Variants in UNC13C observed in about 807,000 individuals in gnomAD.
UNC13C encodes the protein protein unc-13 homolog C.
A neutral mutation model predicts 245.4 loss-of-function variants in UNC13C; 174 were observed. The ratio of observed to expected loss-of-function variants is 0.71; its 90% CI spans 0.63 to 0.80. The LOEUF (loss-of-function observed/expected upper bound fraction) is 0.80. UNC13C is among the 30% of genes least tolerant of loss of function. UNC13C has a pLI of 0.00. For synonymous variants in UNC13C, 992 were observed against 895.1 expected, an observed-to-expected ratio of 1.11 and a Z score of -1.93; for missense variants, 2,829 against 2,602.9, an observed-to-expected ratio of 1.09 and a Z score of -1.89.
chr15:54,269,409 G>A (rs111383506), intron 10 of UNC13C, among the ~76,000 whole-genome samples: 1 of 152,068 alleles, frequency 6.6e-6, no homozygotes. Flanking sequence ...AAATAAAACA[G>A]TATGAGAGCC....
At chr15:54,371,332 C>G (rs749925923) in intron 17 of UNC13C, among the ~76,000 whole-genome samples, 1 of 152,088 alleles carries the variant, frequency 6.6e-6, no homozygotes, top group African/African-American at 2.4e-5. Context: ...GAATGATTAT[C>G]AAACATTATC....
intron 19 of UNC13C, among the ~76,000 whole-genome samples, chr15:54,451,158 G>A (rs1891153711): frequency 6.6e-6 from 1 of 151,756 alleles, no homozygotes; most frequent in Non-Finnish European, 1.5e-5. Flanking sequence ...CATATATTTA[G>A]TCATTTTATG....
At chr15:54,158,273 C>T (rs1429572855) in intron 4 of UNC13C, among the ~76,000 whole-genome samples, 1 of 152,224 alleles carries the variant, frequency 6.6e-6, no homozygotes, top group African/African-American at 2.4e-5. Flanking sequence ...GAATACCTGG[C>T]AGATGCTGCC....
At chr15:54,296,785 A>G (rs911184744) in intron 11 of UNC13C, among the ~76,000 whole-genome samples, 7 of 152,042 alleles carry the variant, frequency 4.6e-5, no homozygotes, top group African/African-American at 1.7e-4. Flanking sequence ...CCTAAATCCT[A>G]TTTTCATTTG....
intron 19 of UNC13C, among the ~76,000 whole-genome samples, chr15:54,457,824 C>G (rs1484614203): frequency 6.7e-6 from 1 of 149,852 alleles, no homozygotes; most frequent in Non-Finnish European, 1.5e-5. Flanking sequence ...TTTAAACAAC[C>G]AGGTTTCTGT....
At chr15:54,386,321 C>T (rs2039836141) in intron 17 of UNC13C, among the ~76,000 whole-genome samples, 1 of 152,160 alleles carries the variant, frequency 6.6e-6, no homozygotes, top group Non-Finnish European at 1.5e-5. Flanking sequence ...TTTATTCAGA[C>T]ATTGCTATAG....
chr15:54,171,297 C>T (rs530338665), intron 4 of UNC13C, among the ~76,000 whole-genome samples: 1 of 152,140 alleles, frequency 6.6e-6, no homozygotes, highest in South Asian at 2.1e-4. Flanking sequence ...AGGAAACAAT[C>T]AGCAAAGTGA....
the UNC13C span, among the ~76,000 whole-genome samples, chr15:53,894,070 C>T: frequency 2.6e-5 from 4 of 152,192 alleles, no homozygotes; most frequent in African/African-American, 9.7e-5. Flanking sequence ...CTCCTTCCCC[C>T]ACGACTTCCC....
intron 30 of UNC13C, among the ~76,000 whole-genome samples, chr15:54,612,927 G>T (rs116595406): frequency 0.014 from 2,062 of 151,884 alleles, 48 homozygotes; most frequent in African/African-American, 0.047. Context: ...ATTTCACTTA[G>T]AATTTTTATA....
chr15:53,846,762 A>C, the UNC13C span, among the ~76,000 whole-genome samples: 1 of 152,190 alleles, frequency 6.6e-6, no homozygotes, highest in Non-Finnish European at 1.5e-5. Flanking sequence ...ACTTATTTTC[A>C]GAAATAATAT....
intron 4 of UNC13C, among the ~76,000 whole-genome samples, chr15:54,161,199 A>G (rs935686474): frequency 7.9e-5 from 12 of 152,182 alleles, no homozygotes; most frequent in African/African-American, 2.7e-4. Context: ...CTCATGCTCA[A>G]GTTATCCTCC....
At chr15:54,469,057 C>T (rs1892320822) in intron 19 of UNC13C, among the ~76,000 whole-genome samples, 1 of 151,422 alleles carries the variant, frequency 6.6e-6, no homozygotes, top group South Asian at 2.1e-4. Flanking sequence ...ATTAATTATT[C>T]CAATCCATGA....
chr15:53,850,276 A>G, the UNC13C span, among the ~76,000 whole-genome samples: 1 of 152,066 alleles, frequency 6.6e-6, no homozygotes, highest in Non-Finnish European at 1.5e-5. Flanking sequence ...TTAGGCAGGC[A>G]TGGTGGCATG....
intron 19 of UNC13C, among the ~76,000 whole-genome samples, chr15:54,450,863 C>G (rs1356631501): frequency 6.6e-6 from 1 of 152,184 alleles, no homozygotes; most frequent in Non-Finnish European, 1.5e-5. Flanking sequence ...CTGCATCGCT[C>G]ACACTGGGAG....
chr15:54,374,652 C>T (rs1234836464), intron 17 of UNC13C, among the ~76,000 whole-genome samples: 1 of 152,204 alleles, frequency 6.6e-6, no homozygotes, highest in Non-Finnish European at 1.5e-5. Flanking sequence ...TTCTAGGGCC[C>T]CTGAGCTCAG....
chr15:54,360,405 A>C (rs1479700272), intron 17 of UNC13C, among the ~76,000 whole-genome samples: 3 of 152,078 alleles, frequency 2.0e-5, no homozygotes, highest in African/African-American at 7.2e-5. Context: ...TGGAGTACTG[A>C]AGTAATCTAC....
chr15:53,949,793 A>T, the UNC13C span, among the ~76,000 whole-genome samples: 2 of 152,210 alleles, frequency 1.3e-5, no homozygotes, highest in African/African-American at 4.8e-5. Flanking sequence ...GGGAATTTGC[A>T]CTTTATAGTC....
At chr15:54,507,541 T>C (rs1767849905) in intron 23 of UNC13C, among the ~76,000 whole-genome samples, 1 of 152,162 alleles carries the variant, frequency 6.6e-6, no homozygotes, top group South Asian at 2.1e-4. Flanking sequence ...AGTTTCATTT[T>C]GGCATTAATA....
At chr15:54,301,691 A>G (rs192109925) in intron 13 of UNC13C, among the ~76,000 whole-genome samples, 1 of 152,236 alleles carries the variant, frequency 6.6e-6, no homozygotes, top group Admixed American at 6.5e-5. Flanking sequence ...TTTATCATTG[A>G]TGGGCATTTG....
Sources: gnomAD v4.1 joint callset for allele counts (sites outside exome capture counted in the v4.1 genomes callset) on GRCh38, gnomAD v4.1.1 for gene constraint, MANE v1.5 for transcripts, NCBI Gene and HGNC (gene_info 2026-07-23, HGNC 2026-07-21) for gene names.